CC2D2A: variants seen among roughly 807,000 people sequenced by gnomAD.
The protein encoded by CC2D2A is coiled-coil and C2 domain-containing protein 2A.
A neutral mutation model predicts 212.9 loss-of-function variants in CC2D2A; 155 were observed. The ratio of observed to expected loss-of-function variants is 0.73; its 90% CI spans 0.64 to 0.83. CC2D2A has a LOEUF of 0.83. CC2D2A is among the 40% of genes least tolerant of loss of function. CC2D2A has a pLI of 0.00. For synonymous variants in CC2D2A, 667 were observed against 686.5 expected, an observed-to-expected ratio of 0.97 and a Z score of 0.44; for missense variants, 1,856 against 1,956.2, an observed-to-expected ratio of 0.95 and a Z score of 0.97.
Position 15,481,142 on chromosome 4 carries a change from A to G in CC2D2A, c.247+315A>G, listed in dbSNP as rs188195520. 1.1e-5 allele frequency: 5 copies of G among 466,302 alleles called. No individual in the cohort carries two copies. In the East Asian group the frequency reaches 3.3e-4, roughly 31 times the overall value. 28.9% of individuals were successfully genotyped at this position (466,302 alleles called of 1,614,324 possible). A position where few individuals can be genotyped will look rare whatever the true frequency, so the allele number is the denominator to read the frequency against. On this transcript the variant is annotated intron_variant, in intron 4 of 36. Coordinates refer to ENST00000424120, the MANE Select transcript of CC2D2A (RefSeq NM_001378615.1). ...TGGGTCATGAGGGCACAACTCATGA[A>G]TTGGTTGGTGTTGTCCTCTAGTAAT...
chr4:15,511,370 G>A lies in CC2D2A; in HGVS notation c.664G>A (p.Glu222Lys), dbSNP rs2109007768. The change falls in exon 8 of 37, where the codon GAG becomes AAG. Residue 222 changes from glutamate to lysine, a missense_variant. Physicochemically the swap from Glu to Lys is moderately conservative, Grantham distance 56 (BLOSUM62 1). Around this residue, in one of 5 missense-constraint regions of CC2D2A, gnomAD observed 1,512 missense variants for 1,579.3 expected, o/e 0.96. Transcript: ENST00000424120. Reference protein sequence around the residue: ...ARHRAGTNQEEEEGEEEEPPA... With the variant: ...ARHRAGTNQEKEEGEEEEPPA... ...ACATAGAGCGGGAACTAATCAAGAG[G>A]AGGAGGAAGGGGAAGAAGAAGAACC... is the stretch of plus-strand genomic sequence containing the variant. The A allele has an allele frequency of 7.0e-6, 11 of 1,562,642 alleles. No individual in the cohort carries two copies. The highest frequency in any genetic ancestry group is 9.5e-6 in the Non-Finnish European group (11 of 1,161,692).
chr4:15,563,707 A>C, intron 24 of CC2D2A, 185 bp downstream of exon 24: 2 of 605,814 alleles, frequency 3.3e-6, no homozygotes, highest in East Asian at 5.6e-5. Flanking sequence ...ATTCAGGCTA[A>C]AGAGGGGATT....
In CC2D2A at chr4:15,502,415, T is replaced by A; in HGVS notation, c.248-14T>A. Reference sequence around the variant, plus strand: ...TTTTTTTTATTTTGTTTTGTTTTTGTTTTTGTTTTTTAGGCTTACCTCCAA... The same window carrying A: ...TTTTTTTTATTTTGTTTTGTTTTTGATTTTGTTTTTTAGGCTTACCTCCAA... On this transcript the variant is annotated splice_polypyrimidine_tract_variant and intron_variant, in intron 4 of 36. Transcript: ENST00000424120. 6.3e-7 allele frequency: 1 copy of A among 1,577,770 alleles called. No homozygotes were observed. The highest frequency in any genetic ancestry group is 8.6e-7 in the Non-Finnish European group (1 of 1,166,662).
chr4:15,590,696 T>C (rs914969937), intron 33 of CC2D2A, among the ~76,000 whole-genome samples: 5 of 152,216 alleles, frequency 3.3e-5, no homozygotes, highest in African/African-American at 1.2e-4. Flanking sequence ...AGATTATTAA[T>C]GTTAAGCACC....
At chr4:15,479,410 T>A (rs560836153) in intron 3 of CC2D2A, 2 of 1,134,960 alleles carry the variant, frequency 1.8e-6, no homozygotes, top group African/African-American at 3.1e-5. Flanking sequence ...CTTGGAACAA[T>A]CAAGATGCCA....
rs1715451567 is a variant in CC2D2A at position 15,493,772 on chromosome 4, C to T, written c.248-8657C>T. ...TTTGTTTACTGCCCTATCCCTAGTA[C>T]CTTGAACACATAACAGATGCTCAAA... On this transcript the variant is annotated intron_variant, in intron 4 of 36. Transcript: ENST00000424120. 2.0e-5 allele frequency among the ~76,000 whole-genome samples: 3 copies of T among 152,136 alleles called. No homozygotes were observed. In the South Asian group the frequency reaches 6.2e-4, roughly 31 times the overall value.
chr4:15,574,548 T>C (rs1448273467), intron 29 of CC2D2A, among the ~76,000 whole-genome samples: 1 of 152,228 alleles, frequency 6.6e-6, no homozygotes, highest in Non-Finnish European at 1.5e-5. Context: ...AATATGTTTA[T>C]ATTTATCTTG....
At position 15,596,162 on chromosome 4, in the gene CC2D2A, T is replaced by G; in HGVS notation, c.4392T>G (p.Ser1464=). 1 of 1,549,784 alleles carries G rather than the reference T, an allele frequency of 6.5e-7. No homozygotes were observed. Among genetic ancestry groups the G allele is most frequent in the Admixed American group, 2.0e-5 (1 of 50,850 alleles). ...TCACCAGGCCCAAGCTATGGAAATC[T>G]TTCTTTTCAAGAAGCCTTCCATATC... is the stretch of plus-strand genomic sequence containing the variant. The part of the protein sequence containing the change: ...FDVTRPKLWK[S]FFSRSLPYPG... Residue 1464 remains serine, a synonymous_variant, in exon 34 of 37, where the codon TCT becomes TCG. Transcript: ENST00000424120.
At chr4:15,554,935 A>G in intron 19 of CC2D2A, 137 bp from the exon 20 acceptor site, 1 of 861,376 alleles carries the variant, frequency 1.2e-6, no homozygotes, top group Non-Finnish European at 1.8e-6. Flanking sequence ...AAAAATGACA[A>G]AATCCTTCCT....
Position 15,502,909 on chromosome 4 carries a change from G to GA in CC2D2A, c.426dup (p.Phe143IlefsTer17). Reference sequence around the variant, plus strand: ...TCCCAGTAAGAAAGAATTGGAGACTGAATTTGGCACAGAGGTGAGAAATAC... The same window carrying GA: ...TCCCAGTAAGAAAGAATTGGAGACTGAAATTTGGCACAGAGGTGAGAAATAC... On this transcript the variant is annotated frameshift_variant, in exon 6 of 37. Coordinates refer to ENST00000424120, the MANE Select transcript of CC2D2A (RefSeq NM_001378615.1). LOFTEE classifies it high-confidence loss of function. 2 of 1,608,880 alleles carry GA rather than the reference G, an allele frequency of 1.2e-6. No individual in the cohort carries two copies. Among genetic ancestry groups the GA allele is most frequent in the Non-Finnish European group, 1.7e-6 (2 of 1,178,016 alleles).
chr4:15,564,930 G>A (rs1719813449), intron 24 of CC2D2A, among the ~76,000 whole-genome samples: 1 of 152,150 alleles, frequency 6.6e-6, no homozygotes, highest in East Asian at 1.9e-4. Context: ...TCCTGCCTCT[G>A]CCTCCCAAAG....
Position 15,502,835 on chromosome 4 carries a change from G to C in CC2D2A, c.350G>C (p.Ser117Thr). Residue 117 changes from serine (S) to threonine (T), a missense_variant, in exon 6 of 37, where the codon AGT becomes ACT. By Grantham distance (58) the Ser-to-Thr change is moderately conservative. Coordinates refer to ENST00000424120, the MANE Select transcript of CC2D2A (RefSeq NM_001378615.1). ...TTGACTTTTTAGTCCAAAGCAGAAAGTGCATTGCTGCAGGAAATCCCCACT... is the reference window on the plus strand; with the variant it reads ...TTGACTTTTTAGTCCAAAGCAGAAACTGCATTGCTGCAGGAAATCCCCACT... Reference protein sequence around the residue: ...KLQAARSKAESALLQEIPTPR... With the variant: ...KLQAARSKAETALLQEIPTPR... 6.2e-7 allele frequency: 1 copy of C among 1,610,270 alleles called. No individual in the cohort carries two copies. Among genetic ancestry groups the C allele is most frequent in the South Asian group, 1.1e-5 (1 of 89,968 alleles).
At chr4:15,484,441 T>C (rs1401766349) in intron 4 of CC2D2A, among the ~76,000 whole-genome samples, 1 of 152,092 alleles carries the variant, frequency 6.6e-6, no homozygotes, top group Non-Finnish European at 1.5e-5. Context: ...AGGACTGATA[T>C]AATCAGATTT....
intron 1 of CC2D2A, among the ~76,000 whole-genome samples, chr4:15,474,725 G>A (rs1714061162): frequency 6.6e-6 from 1 of 152,056 alleles, no homozygotes; most frequent in African/African-American, 2.4e-5. Context: ...CACCTACTAT[G>A]TACCCACAAA....
intron 8 of CC2D2A, among the ~76,000 whole-genome samples, 165 bp from the exon 9 acceptor site, chr4:15,514,542 T>A (rs1435758589): frequency 6.6e-6 from 1 of 152,246 alleles, no homozygotes; most frequent in African/African-American, 2.4e-5. Context: ...AAAACCCACT[T>A]GTTAAATATG....
At chr4:15,560,997 G>C (rs1022004712) in intron 23 of CC2D2A, among the ~76,000 whole-genome samples, 1 of 152,068 alleles carries the variant, frequency 6.6e-6, no homozygotes, top group Non-Finnish European at 1.5e-5. Flanking sequence ...CTCTCCTGTC[G>C]CATGGCAGTA....
At chr4:15,541,895 G>A (rs1718472942) in intron 17 of CC2D2A, among the ~76,000 whole-genome samples, 2 of 152,234 alleles carry the variant, frequency 1.3e-5, no homozygotes, top group Non-Finnish European at 2.9e-5. Flanking sequence ...CACAGTTCTG[G>A]AGGCCTAAAG....
intron 31 of CC2D2A, 39 bp downstream of exon 31, chr4:15,586,285 GACTTAA>G: frequency 7.8e-7 from 1 of 1,280,660 alleles, no homozygotes; most frequent in Non-Finnish European, 1.1e-6. Flanking sequence ...AACTTGAGCT[GACTTAA>G]TGAAATATTA....
At chr4:15,547,975 G>A (rs1369757743) in intron 17 of CC2D2A, among the ~76,000 whole-genome samples, 2 of 152,062 alleles carry the variant, frequency 1.3e-5, no homozygotes, top group African/African-American at 4.8e-5. Context: ...GGAGGTGGAA[G>A]TTGCTGTGAG....
Sources: allele counts gnomAD v4.1 joint callset (sites outside exome capture counted in the v4.1 genomes callset), GRCh38; gene constraint gnomAD v4.1.1; regional missense constraint gnomAD v4.1.1; transcripts MANE v1.5; gene names NCBI Gene and HGNC (gene_info 2026-07-23, HGNC 2026-07-21).